Variants in KIAA1217 observed in about 807,000 individuals in gnomAD.
KIAA1217 encodes sickle tail protein homolog.
KIAA1217 carries 88 observed loss-of-function variants against 163.9 expected under a neutral mutation model. That is an observed-to-expected ratio of 0.54 (90% CI 0.45 to 0.64). KIAA1217 has a LOEUF of 0.64. KIAA1217 is among the 30% of genes least tolerant of loss of function. The probability of loss-of-function intolerance (pLI) is 0.00; values close to 1 mark genes in which losing one functional copy is unlikely to be tolerated. For synonymous variants in KIAA1217, 903 were observed against 923.1 expected, an observed-to-expected ratio of 0.98 and a Z score of 0.39; for missense variants, 2,372 against 2,475.0, an observed-to-expected ratio of 0.96 and a Z score of 0.88.
At chr10:24,378,635 C>CTTT (rs35109271) in intron 2 of KIAA1217, among the ~76,000 whole-genome samples, 1 of 149,458 alleles carries the variant, frequency 6.7e-6, no homozygotes, top group Admixed American at 6.7e-5. Context: ...GCTATTTTGA[C>CTTT]TTTTTTTTTT....
chr10:24,299,057 G>A (rs970585040), intron 2 of KIAA1217, among the ~76,000 whole-genome samples: 3 of 152,094 alleles, frequency 2.0e-5, no homozygotes, highest in African/African-American at 7.2e-5. Context: ...AAAACACCTA[G>A]CACAGAGTTG....
At chr10:24,013,410 A>G (rs1033034105) in intron 2 of KIAA1217, among the ~76,000 whole-genome samples, 1 of 152,086 alleles carries the variant, frequency 6.6e-6, no homozygotes, top group African/African-American at 2.4e-5. Context: ...GCAGAAACAC[A>G]CATAAAAAAG....
chr10:24,239,343 T>C, intron 2 of KIAA1217: 1 of 977,542 alleles, frequency 1.0e-6, no homozygotes, highest in Non-Finnish European at 1.2e-6. Flanking sequence ...TACAGGTAAA[T>C]ATGCGGGGTT....
intron 1 of KIAA1217, among the ~76,000 whole-genome samples, chr10:23,998,378 G>T (rs1297530370): frequency 6.6e-6 from 1 of 152,162 alleles, no homozygotes; most frequent in Non-Finnish European, 1.5e-5. Context: ...AGGCATCAGT[G>T]GCCATGCACT....
intron 1 of KIAA1217, among the ~76,000 whole-genome samples, chr10:23,808,016 C>T (rs1836824605): frequency 6.6e-6 from 1 of 152,306 alleles, no homozygotes; most frequent in South Asian, 2.1e-4. Flanking sequence ...GACAAACTTG[C>T]CATATCTCTG....
chr10:24,050,452 G>A (rs189137941), intron 2 of KIAA1217, among the ~76,000 whole-genome samples: 3 of 152,276 alleles, frequency 2.0e-5, no homozygotes, highest in East Asian at 3.9e-4. Flanking sequence ...TTACATTTAA[G>A]CCTTTAATCC....
At chr10:23,938,931 ACAATC>A (rs1047318417) in intron 1 of KIAA1217, among the ~76,000 whole-genome samples, 30 of 152,362 alleles carry the variant, frequency 2.0e-4, no homozygotes, top group African/African-American at 7.0e-4. Context: ...TACATTTAAA[ACAATC>A]CAAAAATAAC....
intron 6 of KIAA1217, among the ~76,000 whole-genome samples, chr10:24,484,241 A>ATATATTTTTTTTTTT (rs1376083298): frequency 1.3e-5 from 1 of 75,146 alleles, no homozygotes; most frequent in Non-Finnish European, 2.5e-5. Flanking sequence ...ATATATATAT[A>ATATATTTTTTTTTTT]TTTTTTTTTT....
At chr10:24,053,443 G>A (rs1185756048) in intron 2 of KIAA1217, among the ~76,000 whole-genome samples, 1 of 151,888 alleles carries the variant, frequency 6.6e-6, no homozygotes, top group East Asian at 1.9e-4. Context: ...CATTATGCTG[G>A]TATATTACAT....
At chr10:23,874,472 A>G (rs931202795) in intron 1 of KIAA1217, among the ~76,000 whole-genome samples, 3 of 151,986 alleles carry the variant, frequency 2.0e-5, no homozygotes, top group East Asian at 1.9e-4. Flanking sequence ...TCTCACTGCT[A>G]TAGCAAATTA....
intron 3 of KIAA1217, among the ~76,000 whole-genome samples, chr10:24,410,974 A>C (rs1316135976): frequency 6.6e-6 from 1 of 152,218 alleles, no homozygotes; most frequent in African/African-American, 2.4e-5. Flanking sequence ...CAGCACACAC[A>C]GGACTCAGTG....
intron 2 of KIAA1217, among the ~76,000 whole-genome samples, chr10:24,347,582 T>C (rs1457468507): frequency 6.6e-6 from 1 of 152,176 alleles, no homozygotes; most frequent in Non-Finnish European, 1.5e-5. Flanking sequence ...ACATCACAAG[T>C]TTTATTTTTT....
intron 1 of KIAA1217, among the ~76,000 whole-genome samples, chr10:23,781,465 T>G (rs759179111): frequency 1.3e-5 from 2 of 152,210 alleles, no homozygotes; most frequent in African/African-American, 2.4e-5. Context: ...TGTGAGTTCC[T>G]TATGTATTTT....
intron 1 of KIAA1217, among the ~76,000 whole-genome samples, chr10:23,887,563 T>A (rs1264167229): frequency 6.6e-6 from 1 of 151,812 alleles, no homozygotes; most frequent in Non-Finnish European, 1.5e-5. Context: ...GCCTTGAGAT[T>A]TTTTTATATT....
At chr10:24,356,910 C>A (rs908181130) in intron 2 of KIAA1217, among the ~76,000 whole-genome samples, 1 of 152,182 alleles carries the variant, frequency 6.6e-6, no homozygotes, top group Admixed American at 6.5e-5. Context: ...TCTAAAGCAA[C>A]TTAAAGCTAA....
chr10:23,798,951 C>T lies in KIAA1217; in HGVS notation c.-321+103717C>T, dbSNP rs114659234. Among the ~76,000 whole-genome samples the T allele has an allele frequency of 8.8e-3, 1,335 of 152,304 alleles. 22 individuals carry two copies. The highest frequency in any genetic ancestry group is 0.031 in the African/African-American group (1,272 of 41,550). On this transcript the variant is annotated intron_variant, in intron 1 of 18. Coordinates refer to the KIAA1217 transcript ENST00000376462. The stretch of plus-strand genomic sequence containing the variant: ...ACAAAAAATATATTGTCTCACATTT[C>T]TGGAGGCTAGAAATTCAAGATTGAG...
intron 1 of KIAA1217, among the ~76,000 whole-genome samples, chr10:23,985,794 C>T (rs984296840): frequency 2.0e-5 from 3 of 152,146 alleles, no homozygotes; most frequent in Non-Finnish European, 4.4e-5. Flanking sequence ...CAATGGCTTC[C>T]TTTCTTCTCA....
chr10:24,111,228 C>G (rs547056466), intron 2 of KIAA1217, among the ~76,000 whole-genome samples: 1 of 152,232 alleles, frequency 6.6e-6, no homozygotes, highest in African/African-American at 2.4e-5. Context: ...ATGGATAACC[C>G]AACTGATTGT....
chr10:23,761,504 C>A (rs1834258662), intron 1 of KIAA1217, among the ~76,000 whole-genome samples: 1 of 152,218 alleles, frequency 6.6e-6, no homozygotes, highest in Admixed American at 6.5e-5. Context: ...GCCTTAATTT[C>A]ATTATTACGG....
Sources: allele counts gnomAD v4.1 joint callset (sites outside exome capture counted in the v4.1 genomes callset), GRCh38; gene constraint gnomAD v4.1.1; transcripts MANE v1.5; gene names NCBI Gene and HGNC (gene_info 2026-07-23, HGNC 2026-07-21).